Variants in RBFOX1 observed in about 807,000 individuals in gnomAD.
RBFOX1 encodes RNA binding fox-1 homolog 1.
Under a neutral mutation model 57.7 loss-of-function variants are expected in RBFOX1, and 8 were observed. The ratio of observed to expected loss-of-function variants is 0.14; its 90% confidence interval spans 0.08 to 0.25. The LOEUF is 0.25. RBFOX1 is among the 10% of genes least tolerant of loss of function. The probability of loss-of-function intolerance (pLI) is 1.00; values close to 1 mark genes in which losing one functional copy is unlikely to be tolerated. For synonymous variants in RBFOX1, 326 were observed against 222.4 expected (o/e 1.47, Z -4.15); for missense variants, 611 against 548.5 (o/e 1.11, Z -1.14).
chr16:7,356,703 GC>G, intron 4 of RBFOX1, among the ~76,000 whole-genome samples: 1 of 152,344 alleles, frequency 6.6e-6, no homozygotes, highest in East Asian at 1.9e-4. Flanking sequence ...TGAATACTTT[GC>G]TTTTTAAATA....
chr16:5,863,077 G>A (rs564019269), intron 3 of RBFOX1, among the ~76,000 whole-genome samples: 1 of 152,082 alleles, frequency 6.6e-6, no homozygotes, highest in Admixed American at 6.6e-5. Context: ...GTTCAGACCC[G>A]GCCCCTGAAA....
chr16:5,567,320 G>C (rs2046107683), intron 2 of RBFOX1, among the ~76,000 whole-genome samples: 2 of 152,172 alleles, frequency 1.3e-5, no homozygotes. Context: ...CTTTGGTCAG[G>C]TTAAGTGGTG....
At chr16:6,595,080 C>G (rs1266966267) in intron 2 of RBFOX1, among the ~76,000 whole-genome samples, 1 of 152,178 alleles carries the variant, frequency 6.6e-6, no homozygotes, top group Non-Finnish European at 1.5e-5. Context: ...AGCCACCGCA[C>G]CTGGCCTTCC....
chr16:6,932,398 T>C lies in RBFOX1; in HGVS notation c.-15-119659T>C, dbSNP rs141279265. Among the ~76,000 whole-genome samples, 83 of 152,212 alleles carry C rather than the reference T, an allele frequency of 5.5e-4. 1 individual carries two copies. Among genetic ancestry groups the C allele is most frequent in the Admixed American group, 4.6e-3 (70 of 15,286 alleles). ...CTGGGATTACATGCATGAGCCACCATGCCCAGCCCAGATCATCTCCTAAAG... is the reference window on the plus strand; with the variant it reads ...CTGGGATTACATGCATGAGCCACCACGCCCAGCCCAGATCATCTCCTAAAG... On this transcript the variant is annotated intron_variant, in intron 3 of 15. Transcript: ENST00000550418.
chr16:6,965,654 C>T (rs2083977692), intron 3 of RBFOX1, among the ~76,000 whole-genome samples: 1 of 152,178 alleles, frequency 6.6e-6, no homozygotes, highest in South Asian at 2.1e-4. Flanking sequence ...CCAGTTTTCA[C>T]TGAGTTCTGG....
intron 4 of RBFOX1, among the ~76,000 whole-genome samples, chr16:7,077,536 A>G (rs953249524): frequency 2.0e-5 from 3 of 152,168 alleles, no homozygotes; most frequent in Non-Finnish European, 2.9e-5. Context: ...AAATGCTGGT[A>G]TTTGCAGCCT....
intron 4 of RBFOX1, among the ~76,000 whole-genome samples, chr16:7,483,853 G>A (rs1458347727): frequency 2.0e-5 from 3 of 152,184 alleles, no homozygotes; most frequent in Admixed American, 6.5e-5. Flanking sequence ...CGCATCAGAT[G>A]TTTTCAAAAT....
intron 3 of RBFOX1, among the ~76,000 whole-genome samples, chr16:5,614,032 T>C (rs751170842): frequency 1.3e-5 from 2 of 152,118 alleles, no homozygotes; most frequent in Non-Finnish European, 2.9e-5. Flanking sequence ...TGTCAAATTC[T>C]GTAGGAACAC....
chr16:5,609,562 T>A (rs1453832432), intron 3 of RBFOX1, among the ~76,000 whole-genome samples: 1 of 152,204 alleles, frequency 6.6e-6, no homozygotes, highest in East Asian at 1.9e-4. Context: ...GTCCACCGTG[T>A]CAGCGAAGGT....
intron 1 of RBFOX1, among the ~76,000 whole-genome samples, chr16:6,031,477 T>G (rs2095288448): frequency 6.6e-6 from 1 of 152,180 alleles, no homozygotes; most frequent in South Asian, 2.1e-4. Context: ...GGTGCGAGAA[T>G]AAGGTACAAG....
At chr16:6,220,722 G>GCC (rs1555560041) in intron 1 of RBFOX1, among the ~76,000 whole-genome samples, 2 of 13,966 alleles carry the variant, frequency 1.4e-4, no homozygotes, top group East Asian at 8.5e-3. Context: ...ATGACTAACC[G>GCC]CCCCCCCCCA....
chr16:6,672,013 T>A (rs1416067041), intron 3 of RBFOX1, among the ~76,000 whole-genome samples: 2 of 152,242 alleles, frequency 1.3e-5, no homozygotes, highest in Non-Finnish European at 2.9e-5. Context: ...TGTTAACTTA[T>A]GCACTGTACC....
chr16:5,638,135 T>C (rs763984288), intron 3 of RBFOX1, among the ~76,000 whole-genome samples: 2 of 152,196 alleles, frequency 1.3e-5, no homozygotes, highest in Non-Finnish European at 2.9e-5. Context: ...GTGCTGAGCA[T>C]TTTACATATG....
At chr16:5,817,996 T>C (rs1169934760) in intron 3 of RBFOX1, among the ~76,000 whole-genome samples, 1 of 152,140 alleles carries the variant, frequency 6.6e-6, no homozygotes, top group Non-Finnish European at 1.5e-5. Context: ...GGCCAGGTCT[T>C]GTGGGCTGTA....
At chr16:6,834,542 T>G (rs1036870281) in intron 3 of RBFOX1, among the ~76,000 whole-genome samples, 19 of 152,256 alleles carry the variant, frequency 1.2e-4, no homozygotes, top group Non-Finnish European at 1.5e-4. Context: ...GTTAATTAAT[T>G]AACAGGAGAT....
intron 3 of RBFOX1, among the ~76,000 whole-genome samples, chr16:6,902,348 A>T (rs1025778877): frequency 1.3e-5 from 2 of 152,214 alleles, no homozygotes; most frequent in Non-Finnish European, 2.9e-5. Flanking sequence ...CTCTGTTAGT[A>T]ATTTCAAGTT....
intron 4 of RBFOX1, among the ~76,000 whole-genome samples, chr16:7,443,011 CACTTTAATTA>C (rs1425066917): frequency 2.0e-5 from 3 of 152,184 alleles, no homozygotes; most frequent in Non-Finnish European, 2.9e-5. Context: ...CACCATCAAA[CACTTTAATTA>C]ACATCCTTTT....
intron 10 of RBFOX1, among the ~76,000 whole-genome samples, chr16:7,616,398 A>C (rs1596552122): frequency 6.6e-6 from 1 of 152,314 alleles, no homozygotes; most frequent in East Asian, 1.9e-4. Flanking sequence ...CGTTTTTGTT[A>C]GTGGTTACTC....
intron 3 of RBFOX1, among the ~76,000 whole-genome samples, chr16:6,753,362 G>C (rs555042328): frequency 1.3e-5 from 2 of 152,300 alleles, no homozygotes; most frequent in African/African-American, 2.4e-5. Flanking sequence ...TGGTACAAAA[G>C]TGAATAGTCA....
Sources: allele counts gnomAD v4.1 joint callset (sites outside exome capture counted in the v4.1 genomes callset), GRCh38; gene constraint gnomAD v4.1.1; transcripts MANE v1.5; gene names NCBI Gene and HGNC (gene_info 2026-07-23, HGNC 2026-07-21).